Variants in SLC25A28 observed in about 807,000 individuals in gnomAD.
SLC25A28 encodes the protein mitoferrin-2.
Under a neutral mutation model 31.9 loss-of-function variants are expected in SLC25A28, and 10 were observed. That is an observed-to-expected ratio of 0.31 (90% CI 0.19 to 0.53). The LOEUF is 0.53. Ranked by LOEUF, SLC25A28 falls within the 20% of genes least tolerant of loss-of-function variation. SLC25A28 has a pLI of 0.95. For missense variants in SLC25A28, 256 were observed against 490.3 expected (o/e 0.52, Z 4.51); for synonymous variants, 208 against 203.6 (o/e 1.02, Z -0.19).
chr10:99,641,645 G>A, the SLC25A28 span, among the ~76,000 whole-genome samples: 2 of 152,112 alleles, frequency 1.3e-5, no homozygotes, highest in African/African-American at 4.8e-5. Context: ...CCTTGCCCAT[G>A]CCTATGTCCT....
the SLC25A28 span, among the ~76,000 whole-genome samples, chr10:99,645,455 A>C: frequency 1.3e-5 from 2 of 152,168 alleles, no homozygotes; most frequent in African/African-American, 2.4e-5. Context: ...CCATTCATCT[A>C]ATCTTTTTTC....
At chr10:99,640,280 A>G in the SLC25A28 span, among the ~76,000 whole-genome samples, 15,838 of 152,210 alleles carry the variant, frequency 0.1, 1,068 homozygotes, top group South Asian at 0.22. Flanking sequence ...TGAAAGATTG[A>G]CTGGGGATAG....
upstream of SLC25A28, among the ~76,000 whole-genome samples, chr10:99,624,064 C>T: frequency 6.6e-6 from 1 of 151,198 alleles, no homozygotes; most frequent in African/African-American, 2.4e-5. Flanking sequence ...TCCCTTCCTT[C>T]CTTCTCTTTC....
At position 99,618,362 on chromosome 10, in the gene SLC25A28, T is replaced by C. The variant is rs868339822; in HGVS notation, c.291+1683A>G. ...TTTCAAGCCATTACATAATTTTCAC[T>C]GTTTTCATTGATCTGTTTTCCATTC... On this transcript the variant is annotated intron_variant, in intron 1 of 3. Coordinates refer to ENST00000370495, the MANE Select transcript of SLC25A28 (RefSeq NM_031212.4). 4.7e-5 allele frequency: 46 copies of C among 985,314 alleles called. No individual in the cohort carries two copies. The South Asian group carries it at 1.3e-3, about 28-fold the overall frequency. The allele number at this position is 985,314 out of a possible 1,614,324, so 61.0% of individuals were successfully genotyped here.
chr10:99,651,594 C>CTT, the SLC25A28 span, among the ~76,000 whole-genome samples: 27 of 110,188 alleles, frequency 2.5e-4, 3 homozygotes, highest in East Asian at 4.7e-4. Context: ...TTTTTCTTTT[C>CTT]TTTTTTTTTT....
chr10:99,616,912 T>C (rs1402876059), intron 1 of SLC25A28: 2 of 962,672 alleles, frequency 2.1e-6, no homozygotes, highest in East Asian at 1.1e-4. Flanking sequence ...GTACTTCAGA[T>C]AGTGCTTGGC....
chr10:99,624,361 G>A (rs1344324892), upstream of SLC25A28, among the ~76,000 whole-genome samples: 3 of 151,932 alleles, frequency 2.0e-5, no homozygotes, highest in African/African-American at 7.3e-5. Context: ...TTCCCAAAGT[G>A]CTGAGATTAC....
At chr10:99,617,896 G>A in intron 1 of SLC25A28, 1 of 569,820 alleles carries the variant, frequency 1.8e-6, no homozygotes, top group Non-Finnish European at 2.2e-6. Flanking sequence ...TACCTTGGAA[G>A]GCTACAATTG....
chr10:99,633,423 C>A, the SLC25A28 span, among the ~76,000 whole-genome samples: 1 of 151,926 alleles, frequency 6.6e-6, no homozygotes, highest in Non-Finnish European at 1.5e-5. Flanking sequence ...AGGCCAGGCG[C>A]GGTGGCTCAC....
Position 99,613,385 on chromosome 10 carries a change from C to T in SLC25A28, c.520+311G>A, listed in dbSNP as rs2034575661. On this transcript the variant is annotated intron_variant, in intron 2 of 3. Coordinates refer to ENST00000370495, the MANE Select transcript of SLC25A28 (RefSeq NM_031212.4). This position sits in a 1 kb window ranked among gnomAD's most constrained non-coding sequence, Gnocchi z 4.9. ...ACACCACCCAACTGTCAAACATAGA[C>T]TGGGGGTAGTTCAGTGTGTCTCCAC... The T allele has an allele frequency of 8.0e-7, 1 of 1,245,658 alleles. No individual in the cohort carries two copies. Among genetic ancestry groups the T allele is most frequent in the African/African-American group, 1.5e-5 (1 of 64,994 alleles). The allele number at this position is 1,245,658 out of a possible 1,614,324, so 77.2% of individuals were successfully genotyped here.
Position 99,613,940 on chromosome 10 carries a change from G to A in SLC25A28, c.292-16C>T. On this transcript the variant is annotated splice_polypyrimidine_tract_variant and intron_variant, in intron 1 of 3. Transcript: ENST00000370495. This position sits in a 1 kb window ranked among gnomAD's most constrained non-coding sequence, Gnocchi z 4.9. The stretch of plus-strand genomic sequence containing the variant: ...GCATCCGGGTCTGAAATTACAGCAA[G>A]GAGAAGCGCAATGTCAGCAATGCCA... The A allele has an allele frequency of 6.3e-7, 1 of 1,582,242 alleles. No individual in the cohort carries two copies. Among genetic ancestry groups the A allele is most frequent in the Non-Finnish European group, 8.6e-7 (1 of 1,162,736 alleles).
At chr10:99,653,650 C>A in the SLC25A28 span, among the ~76,000 whole-genome samples, 28 of 152,326 alleles carry the variant, frequency 1.8e-4, no homozygotes, top group African/African-American at 6.3e-4. Flanking sequence ...TTGATCCTTC[C>A]GCTTTTTTCA....
At chr10:99,651,594 CTTTTT>C in the SLC25A28 span, among the ~76,000 whole-genome samples, 1 of 110,174 alleles carries the variant, frequency 9.1e-6, no homozygotes, top group Non-Finnish European at 1.8e-5. Context: ...TTTTTCTTTT[CTTTTT>C]TTTTTTTTTG....
At chr10:99,627,490 G>C in the SLC25A28 span, among the ~76,000 whole-genome samples, 1 of 150,038 alleles carries the variant, frequency 6.7e-6, no homozygotes, top group African/African-American at 2.5e-5. Flanking sequence ...ACCCAGGCTA[G>C]AGTGCAGTAG....
chr10:99,624,343 G>A (rs1302748573), upstream of SLC25A28, among the ~76,000 whole-genome samples: 1 of 151,426 alleles, frequency 6.6e-6, no homozygotes, highest in Non-Finnish European at 1.5e-5. Flanking sequence ...CAATCCTCTT[G>A]TCTCAGCTTC....
the SLC25A28 span, among the ~76,000 whole-genome samples, chr10:99,659,190 C>T: frequency 6.6e-6 from 1 of 152,238 alleles, no homozygotes; most frequent in East Asian, 1.9e-4. The surrounding 1 kb of genome is among the most constrained non-coding windows in gnomAD (Gnocchi z 4.1). Flanking sequence ...AGCAACCAGC[C>T]GAGAGTTCGC....
chr10:99,627,599 T>G, the SLC25A28 span, among the ~76,000 whole-genome samples: 6 of 151,970 alleles, frequency 3.9e-5, no homozygotes, highest in African/African-American at 1.4e-4. Flanking sequence ...CACTAATACA[T>G]CCGGCTAATT....
At chr10:99,647,837 G>A in the SLC25A28 span, among the ~76,000 whole-genome samples, 2 of 152,210 alleles carry the variant, frequency 1.3e-5, no homozygotes, top group Admixed American at 1.3e-4. Flanking sequence ...TGTTTATGGC[G>A]AGAGGTATGG....
At chr10:99,641,205 C>T in the SLC25A28 span, among the ~76,000 whole-genome samples, 1 of 152,310 alleles carries the variant, frequency 6.6e-6, no homozygotes, top group South Asian at 2.1e-4. Flanking sequence ...GTTCCTATTT[C>T]TCCACATCCT....
Sources: allele counts gnomAD v4.1 joint callset (sites outside exome capture counted in the v4.1 genomes callset), GRCh38; gene constraint gnomAD v4.1.1; non-coding constraint Gnocchi (gnomAD v3.1); transcripts MANE v1.5; gene names NCBI Gene and HGNC (gene_info 2026-07-23, HGNC 2026-07-21).